Variants in EYS observed in about 807,000 individuals in gnomAD.
EYS encodes the protein EGF-like photoreceptor maintenance factor.
Under a neutral mutation model 282.1 loss-of-function variants are expected in EYS, and 250 were observed. That is an observed-to-expected ratio of 0.89 (90% CI 0.80 to 0.98). EYS has a LOEUF of 0.98. Among genes scored for constraint, EYS ranks in the 50% least tolerant of loss-of-function variants. The pLI is 0.00. For synonymous variants in EYS, 1,355 were observed against 1,282.9 expected (o/e 1.06, Z -1.20); for missense variants, 4,016 against 3,709.0 (o/e 1.08, Z -2.15).
intron 31 of EYS, among the ~76,000 whole-genome samples, chr6:64,140,896 G>T (rs1314415451): frequency 1.3e-5 from 2 of 152,044 alleles, no homozygotes; most frequent in African/African-American, 4.8e-5. Flanking sequence ...TGTGCCATCT[G>T]TTTCCTACTG....
chr6:65,453,135 T>A (rs919090517), intron 5 of EYS, among the ~76,000 whole-genome samples: 2 of 152,044 alleles, frequency 1.3e-5, no homozygotes, highest in Non-Finnish European at 2.9e-5. Context: ...GGTTGGTATG[T>A]ATGGGCAGGT....
chr6:64,934,059 G>T (rs1768820840), intron 15 of EYS, among the ~76,000 whole-genome samples: 2 of 151,726 alleles, frequency 1.3e-5, no homozygotes, highest in Admixed American at 6.6e-5. Context: ...AACCACCATG[G>T]CATGTGTATG....
intron 26 of EYS, among the ~76,000 whole-genome samples, chr6:64,470,607 C>T (rs1776094304): frequency 1.3e-5 from 2 of 152,012 alleles, no homozygotes; most frequent in Admixed American, 6.6e-5. Flanking sequence ...TAAAAAAATG[C>T]AAAAAGTCTC....
intron 39 of EYS, among the ~76,000 whole-genome samples, chr6:63,785,611 G>T (rs1358664870): frequency 6.7e-6 from 1 of 149,102 alleles, no homozygotes; most frequent in Non-Finnish European, 1.5e-5. Context: ...AAAAATAATG[G>T]TTCATTATAA....
rs558502442 is a variant in EYS at position 64,237,330 on chromosome 6, G to GTA, written c.6192-6508_6192-6507dup. 1.3e-3 allele frequency among the ~76,000 whole-genome samples: 191 copies of GTA among 152,280 alleles called. 2 individuals are homozygous for GTA. The highest frequency in any genetic ancestry group is 4.2e-3 in the African/African-American group (176 of 41,552). On this transcript the variant is annotated intron_variant, in intron 30 of 42. Transcript: ENST00000503581. Reference sequence around the variant, plus strand: ...GAGTAAAACCCCTTTTGCAGGTAATGTATAGTAAAGGCTGTGATGGCTTAC... The same window carrying GTA: ...GAGTAAAACCCCTTTTGCAGGTAATGTATATAGTAAAGGCTGTGATGGCTTAC...
chr6:65,028,529 T>C (rs1772495820), intron 13 of EYS, among the ~76,000 whole-genome samples: 1 of 151,976 alleles, frequency 6.6e-6, no homozygotes, highest in Admixed American at 6.6e-5. Flanking sequence ...TGAGAGTAGA[T>C]TTTTAGTATA....
intron 2 of EYS, among the ~76,000 whole-genome samples, chr6:65,510,715 T>A (rs1766835440): frequency 6.6e-6 from 1 of 152,178 alleles, no homozygotes; most frequent in African/African-American, 2.4e-5. Flanking sequence ...TTAAAAAATT[T>A]TCAGTGATTA....
chr6:65,587,098 C>A lies in EYS; in HGVS notation c.-333+52680G>T, dbSNP rs541020269. The stretch of plus-strand genomic sequence containing the variant: ...TTAGGCTACCATTGAGAAGATGTTT[C>A]TCTAAGCAACATTTGATAAGACTAA... On this transcript the variant is annotated intron_variant, in intron 2 of 42. Coordinates refer to ENST00000503581, the MANE Select transcript of EYS (RefSeq NM_001142800.2). Among the ~76,000 whole-genome samples, 28 of 152,080 alleles carry A rather than the reference C, an allele frequency of 1.8e-4. No homozygotes were observed. The East Asian group carries it at 4.8e-3, about 26-fold the overall frequency.
chr6:64,707,460 G>A (rs909373074), intron 22 of EYS, among the ~76,000 whole-genome samples: 3 of 151,998 alleles, frequency 2.0e-5, no homozygotes, highest in African/African-American at 7.2e-5. Flanking sequence ...ACGAGGTCAG[G>A]AGATCAAGAC....
rs952510570 is a variant in EYS, at chr6:65,309,698, T to C, written c.1767-13579A>G. 4.2e-3 allele frequency among the ~76,000 whole-genome samples: 641 copies of C among 152,298 alleles called. 1 individual carries two copies. The highest frequency in any genetic ancestry group is 7.0e-3 in the Non-Finnish European group (478 of 68,004). ...TTATGGGAATGTGTTTTAATTTTAA[T>C]GAACATCAGTTCCCATCTCAGTTAA... is the stretch of plus-strand genomic sequence containing the variant. On this transcript the variant is annotated intron_variant, in intron 11 of 42. Transcript: ENST00000503581.
intron 30 of EYS, among the ~76,000 whole-genome samples, chr6:64,296,571 TATATATATATATACATATATATA>T (rs1769011730): frequency 6.8e-4 from 6 of 8,802 alleles, no homozygotes; most frequent in African/African-American, 4.7e-3. Flanking sequence ...TATATATATA[TATATATATATATACATATATATA>T]TATATTTTTT....
intron 22 of EYS, among the ~76,000 whole-genome samples, chr6:64,651,742 G>A (rs1048094879): frequency 1.3e-5 from 2 of 152,126 alleles, no homozygotes; most frequent in Non-Finnish European, 1.5e-5. Flanking sequence ...ATTGTTATAA[G>A]AGATTTTATA....
intron 12 of EYS, among the ~76,000 whole-genome samples, chr6:65,102,038 C>T (rs1774909059): frequency 6.6e-6 from 1 of 151,198 alleles, no homozygotes; most frequent in Admixed American, 6.6e-5. Flanking sequence ...TTCCCACTGA[C>T]ATGAAACATG....
At chr6:64,541,096 C>T (rs1026249604) in intron 26 of EYS, among the ~76,000 whole-genome samples, 2 of 152,098 alleles carry the variant, frequency 1.3e-5, no homozygotes, top group African/African-American at 4.8e-5. Flanking sequence ...ATTGAAAATG[C>T]CTAAACACAG....
chr6:64,040,869 T>C (rs1347845391), intron 33 of EYS, among the ~76,000 whole-genome samples: 1 of 152,160 alleles, frequency 6.6e-6, no homozygotes, highest in African/African-American at 2.4e-5. Context: ...CAATTGCCTA[T>C]GAAAAATAAT....
chr6:64,587,166 G>A lies in EYS; in HGVS notation c.5644+3057C>T, dbSNP rs1248870740. On this transcript the variant is annotated intron_variant, in intron 26 of 42. Coordinates refer to ENST00000503581, the MANE Select transcript of EYS (RefSeq NM_001142800.2). Reference sequence around the variant, plus strand: ...TCCACGATGCCTCACTTTGTTAATCGCAAGAGGTTGCTCAGAGTGTCATTT... The same window carrying A: ...TCCACGATGCCTCACTTTGTTAATCACAAGAGGTTGCTCAGAGTGTCATTT... Among the ~76,000 whole-genome samples the A allele has an allele frequency of 5.3e-5, 8 of 152,000 alleles. No individual in the cohort carries two copies. The South Asian group carries it at 6.2e-4, about 12-fold the overall frequency.
chr6:64,312,787 G>T (rs1007548920), intron 29 of EYS, among the ~76,000 whole-genome samples: 2 of 152,124 alleles, frequency 1.3e-5, no homozygotes, highest in African/African-American at 4.8e-5. Flanking sequence ...AGTAGCAGAG[G>T]GAACTGACTG....
intron 30 of EYS, among the ~76,000 whole-genome samples, chr6:64,257,766 GGATGATGATGAT>G (rs3072582): frequency 4.7e-5 from 7 of 149,328 alleles, no homozygotes; most frequent in East Asian, 2.0e-4. Flanking sequence ...TGAATGGTGT[GGATGATGATGAT>G]GATGATGATG....
chr6:64,256,345 A>G (rs190526218), intron 30 of EYS, among the ~76,000 whole-genome samples: 150 of 152,108 alleles, frequency 9.9e-4, no homozygotes, highest in African/African-American at 3.4e-3. Context: ...TGCTTTCAGG[A>G]CCTTCTTCAT....
Sources: allele counts gnomAD v4.1 joint callset (sites outside exome capture counted in the v4.1 genomes callset), GRCh38; gene constraint gnomAD v4.1.1; transcripts MANE v1.5; gene names NCBI Gene and HGNC (gene_info 2026-07-23, HGNC 2026-07-21).